FBXL13: variants seen among roughly 807,000 people sequenced by gnomAD.
FBXL13 encodes the protein F-box and leucine-rich repeat protein 13.
A neutral mutation model predicts 83.6 loss-of-function variants in FBXL13; 67 were observed. That is an observed-to-expected ratio of 0.80 (90% CI 0.66 to 0.98). The LOEUF (loss-of-function observed/expected upper bound fraction) is 0.98, where lower values mean the gene tolerates loss of function less well. Among genes scored for constraint, FBXL13 ranks in the 50% least tolerant of loss-of-function variants. The pLI is 0.00. For synonymous variants in FBXL13, 272 were observed against 299.5 expected (o/e 0.91, Z 0.95); for missense variants, 822 against 866.5 (o/e 0.95, Z 0.64).
At chr7:102,913,897 G>A (rs2129469190) in intron 10 of FBXL13, among the ~76,000 whole-genome samples, 1 of 152,260 alleles carries the variant, frequency 6.6e-6, no homozygotes, top group Non-Finnish European at 1.5e-5. Flanking sequence ...CAACATCAGA[G>A]ACTATAAATC....
Position 102,922,192 on chromosome 7 carries a change from A to G in FBXL13, c.878+4082T>C, listed in dbSNP as rs547403332. Among the ~76,000 whole-genome samples the G allele has an allele frequency of 1.2e-3, 181 of 150,130 alleles. 2 individuals are homozygous for G. The highest frequency in any genetic ancestry group is 4.2e-3 in the African/African-American group (170 of 40,318). ...GCGACAGAGGAAGACTCTGTCTCAA[A>G]AAAAAAAAAAAATTAAATAAATAAA... is the stretch of plus-strand genomic sequence containing the variant. On this transcript the variant is annotated intron_variant, in intron 10 of 19. Transcript: ENST00000313221.
At chr7:103,006,497 A>C (rs1294902960) in intron 6 of FBXL13, among the ~76,000 whole-genome samples, 1 of 152,222 alleles carries the variant, frequency 6.6e-6, no homozygotes, top group Admixed American at 6.5e-5. Flanking sequence ...AAGACCCAGA[A>C]ATGTCACATG....
At chr7:102,913,364 T>C in intron 10 of FBXL13, 149 bp from the exon 12 acceptor site, 3 of 884,106 alleles carry the variant, frequency 3.4e-6, no homozygotes, top group Non-Finnish European at 5.1e-6. Context: ...TCTCTACCTG[T>C]TAATTAAAGG....
intron 18 of FBXL13, among the ~76,000 whole-genome samples, chr7:102,831,431 A>ACACACACACCCCC (rs1033135095): frequency 2.2e-4 from 33 of 147,236 alleles, no homozygotes; most frequent in African/African-American, 7.7e-4. Context: ...ACACACACAC[A>ACACACACACCCCC]CCCCACTACA....
intron 10 of FBXL13, among the ~76,000 whole-genome samples, chr7:102,914,292 C>T (rs951307771): frequency 2.0e-5 from 3 of 152,168 alleles, no homozygotes; most frequent in African/African-American, 4.8e-5. Context: ...AGGCTGGCCT[C>T]GAACTCCTGA....
intron 2 of FBXL13, among the ~76,000 whole-genome samples, chr7:103,038,076 A>G (rs1459642728): frequency 6.6e-6 from 1 of 152,154 alleles, no homozygotes; most frequent in African/African-American, 2.4e-5. Flanking sequence ...TGTACCTGGG[A>G]AAACGGTACA....
chr7:103,047,233 A>G (rs1585543868), intron 2 of FBXL13, among the ~76,000 whole-genome samples: 2 of 152,202 alleles, frequency 1.3e-5, no homozygotes, highest in Admixed American at 6.5e-5. Flanking sequence ...ATAAGTCATT[A>G]TATCAATATA....
At chr7:102,954,408 G>A (rs1823920053) in intron 8 of FBXL13, among the ~76,000 whole-genome samples, 1 of 152,124 alleles carries the variant, frequency 6.6e-6, no homozygotes, top group South Asian at 2.1e-4. Flanking sequence ...AACATGGAAA[G>A]AAACAACCGG....
At chr7:103,038,014 T>G (rs1244477528) in intron 2 of FBXL13, among the ~76,000 whole-genome samples, 3 of 152,016 alleles carry the variant, frequency 2.0e-5, no homozygotes, top group Non-Finnish European at 2.9e-5. Flanking sequence ...ACCCAGGAAG[T>G]GCAAGGGGTC....
At chr7:102,870,388 T>A (rs1380703806) in intron 16 of FBXL13, among the ~76,000 whole-genome samples, 5 of 152,180 alleles carry the variant, frequency 3.3e-5, no homozygotes, top group Admixed American at 3.3e-4. Flanking sequence ...TGAAATGATC[T>A]AGATTGAGAA....
intron 2 of FBXL13, among the ~76,000 whole-genome samples, chr7:103,046,496 C>T (rs1796293666): frequency 6.6e-6 from 1 of 152,176 alleles, no homozygotes; most frequent in Admixed American, 6.5e-5. Context: ...GGAGTTTTGA[C>T]TGATTATGAG....
Position 102,884,229 on chromosome 7 carries a change from C to T in FBXL13, c.1092G>A (p.Thr364=), listed in dbSNP as rs766995818. Residue 364 remains threonine (T), a synonymous_variant, in exon 12 of 20, where the codon ACG becomes ACA. Coordinates refer to ENST00000313221, the Ensembl canonical transcript of FBXL13. The stretch of plus-strand genomic sequence containing the variant: ...AACTACCTACTTTTACACAGTTGTC[C>T]GTCAGAGTTGGCATGTCATTAATGG... The T allele has an allele frequency of 9.9e-6, 16 of 1,612,710 alleles. No individual in the cohort carries two copies. The South Asian group carries it at 1.3e-4, about 13-fold the overall frequency.
chr7:102,906,302 T>G (rs1813740430), intron 11 of FBXL13, among the ~76,000 whole-genome samples: 1 of 152,244 alleles, frequency 6.6e-6, no homozygotes, highest in Admixed American at 6.5e-5. Context: ...TATTTATATC[T>G]CATTGTACTG....
At chr7:103,033,540 G>C (rs907595870) in intron 2 of FBXL13, among the ~76,000 whole-genome samples, 1 of 152,180 alleles carries the variant, frequency 6.6e-6, no homozygotes, top group African/African-American at 2.4e-5. Flanking sequence ...TCGTGGTCTT[G>C]CTGGCTCAAG....
Position 103,039,629 on chromosome 7 carries a change from C to T in FBXL13, c.1-10211G>A, listed in dbSNP as rs187192890. Among the ~76,000 whole-genome samples, 1,119 of 152,106 alleles carry T rather than the reference C, an allele frequency of 7.4e-3. 10 individuals are homozygous for T. The highest frequency in any genetic ancestry group is 0.025 in the African/African-American group (1,044 of 41,482). On this transcript the variant is annotated intron_variant, in intron 2 of 19. Coordinates refer to ENST00000313221, the Ensembl canonical transcript of FBXL13. The stretch of plus-strand genomic sequence containing the variant: ...CACATCAGACTAACAGGGGATCTCT[C>T]GGCGGAAACCTTATAAGCCAGAAGA...
intron 7 of FBXL13, among the ~76,000 whole-genome samples, chr7:102,967,654 A>T (rs748438002): frequency 1.3e-5 from 2 of 152,166 alleles, no homozygotes; most frequent in South Asian, 4.1e-4. Flanking sequence ...CACCCTAAAC[A>T]TCTTTCCCAT....
intron 16 of FBXL13, among the ~76,000 whole-genome samples, chr7:102,863,502 G>A (rs1017629804): frequency 2.6e-5 from 3 of 114,798 alleles, no homozygotes; most frequent in African/African-American, 4.8e-5. Context: ...CTGTGATAGA[G>A]GGGATAAAAT....
intron 2 of FBXL13, among the ~76,000 whole-genome samples, chr7:103,043,317 A>C (rs1170921835): frequency 1.3e-5 from 2 of 152,344 alleles, no homozygotes; most frequent in East Asian, 3.9e-4. Context: ...GAAGTCAGGA[A>C]ACAACAGATG....
intron 11 of FBXL13, among the ~76,000 whole-genome samples, chr7:102,898,520 C>T (rs921291998): frequency 6.6e-6 from 1 of 152,008 alleles, no homozygotes; most frequent in Non-Finnish European, 1.5e-5. Flanking sequence ...TCTTGGACTC[C>T]TGGGTCTCAA....
Sources: gnomAD v4.1 joint callset for allele counts (sites outside exome capture counted in the v4.1 genomes callset) on GRCh38, gnomAD v4.1.1 for gene constraint, MANE v1.5 for transcripts, NCBI Gene and HGNC (gene_info 2026-07-23, HGNC 2026-07-21) for gene names.